Variants in TEX22 observed in about 807,000 individuals in gnomAD.
TEX22 encodes the protein testis expressed 22.
Under a neutral mutation model 11.3 loss-of-function variants are expected in TEX22, and 16 were observed. The observed-to-expected ratio is 1.42, with a 90% CI of 0.96 to 2.15. TEX22 has a LOEUF of 2.15. Among genes scored for constraint, TEX22 ranks in the 30% most tolerant of loss-of-function variants. The pLI is 0.00. For missense variants in TEX22, 220 were observed against 208.6 expected, an observed-to-expected ratio of 1.05 and a Z score of -0.34; for synonymous variants, 97 against 92.3, an observed-to-expected ratio of 1.05 and a Z score of -0.29.
At chr14:105,402,570 C>G (rs367756383) in intron 2 of TEX22, among the ~76,000 whole-genome samples, 3 of 151,408 alleles carry the variant, frequency 2.0e-5, no homozygotes, top group Non-Finnish European at 4.4e-5. Context: ...CTGGCTAACA[C>G]GGTGAAACCC....
intron 2 of TEX22, among the ~76,000 whole-genome samples, chr14:105,403,465 C>G (rs1224407715): frequency 6.6e-6 from 1 of 152,222 alleles, no homozygotes; most frequent in African/African-American, 2.4e-5. Flanking sequence ...TATCCTGGCT[C>G]TCCTAGACTC....
At chr14:105,410,479 T>G (rs2141362588) in intron 2 of TEX22, among the ~76,000 whole-genome samples, 1 of 152,382 alleles carries the variant, frequency 6.6e-6, no homozygotes, top group South Asian at 2.1e-4. Flanking sequence ...CTTCCACATT[T>G]TCGCTATTGT....
At chr14:105,402,755 CAAA>C (rs1195065703) in intron 2 of TEX22, among the ~76,000 whole-genome samples, 16 of 68,378 alleles carry the variant, frequency 2.3e-4, no homozygotes, top group Admixed American at 3.3e-4. Flanking sequence ...GACTCCGTCT[CAAA>C]AAAAAAAAAA....
Position 105,413,633 on chromosome 14 carries a change from A to T in TEX22, c.*1800A>T, listed in dbSNP as rs1186631295. ...AGAGCACCTCCCCCATGGTGGCAGCAGAGACAAAACCCTGGCCTCCTTCAG... is the reference window on the plus strand; with the variant it reads ...AGAGCACCTCCCCCATGGTGGCAGCTGAGACAAAACCCTGGCCTCCTTCAG... On this transcript the variant is annotated 3_prime_UTR_variant, in exon 4 of 4. Transcript: ENST00000451127. The surrounding 1 kb of genome is among the most constrained non-coding windows in gnomAD (Gnocchi z 4.2). 6 of 152,292 alleles carry T rather than the reference A, an allele frequency of 3.9e-5. No individual in the cohort carries two copies. The highest frequency in any genetic ancestry group is 1.4e-4 in the African/African-American group (6 of 41,462). The allele number at this position is 152,292 out of a possible 1,614,324, so 9.4% of individuals were successfully genotyped here.
chr14:105,401,892 C>T (rs900528470), intron 2 of TEX22, among the ~76,000 whole-genome samples: 31 of 152,108 alleles, frequency 2.0e-4, no homozygotes, highest in Admixed American at 6.5e-4. Context: ...ACCACTATGA[C>T]GTCAGAAAAA....
At position 105,413,105 on chromosome 14, in the gene TEX22, G is replaced by A. The variant is rs1412349527; in HGVS notation, c.*1272G>A. 6.6e-6 allele frequency: 1 copy of A among 152,362 alleles called. No individual in the cohort carries two copies. Among genetic ancestry groups the A allele is most frequent in the Admixed American group, 6.5e-5 (1 of 15,272 alleles). The allele number at this position is 152,362 out of a possible 1,614,324, so 9.4% of individuals were successfully genotyped here. ...GCCAGGTGCTCCCCTTCTCTCCCAA[G>A]TCCTCTGAATGTCATTTGGTGCACC... On this transcript the variant is annotated 3_prime_UTR_variant, in exon 4 of 4. Transcript: ENST00000451127. This position sits in a 1 kb window ranked among gnomAD's most constrained non-coding sequence, Gnocchi z 4.2.
chr14:105,401,109 G>A (rs1244422009), intron 2 of TEX22, among the ~76,000 whole-genome samples: 1 of 152,194 alleles, frequency 6.6e-6, no homozygotes, highest in African/African-American at 2.4e-5. Flanking sequence ...CCGTAAGGAT[G>A]GGTCCTGCAC....
intron 2 of TEX22, among the ~76,000 whole-genome samples, chr14:105,401,925 C>T (rs782697558): frequency 1.3e-5 from 2 of 152,180 alleles, no homozygotes; most frequent in Non-Finnish European, 2.9e-5. Flanking sequence ...GTGGCTCATG[C>T]CTGTAATCCC....
At chr14:105,403,547 C>G (rs112012969) in intron 2 of TEX22, among the ~76,000 whole-genome samples, 6,117 of 152,256 alleles carry the variant, frequency 0.04, 400 homozygotes, top group African/African-American at 0.14. Flanking sequence ...CTCAGCCTCC[C>G]AAGTAGCTGG....
chr14:105,399,518 C>A (rs888713864), intron 2 of TEX22, 28 bp downstream of exon 2: 30 of 1,514,118 alleles, frequency 2.0e-5, no homozygotes, highest in Non-Finnish European at 2.4e-5. Context: ...CTGGCCGAGG[C>A]TACTCTCCTG....
At chr14:105,410,886 C>T (rs982796479) in intron 2 of TEX22, among the ~76,000 whole-genome samples, 6 of 152,242 alleles carry the variant, frequency 3.9e-5, no homozygotes, top group Admixed American at 6.5e-5. Flanking sequence ...CTCCTGTACC[C>T]TGCCAGGGGC....
intron 3 of TEX22, 51 bp from the exon 4 acceptor site, chr14:105,411,609 C>T: frequency 6.7e-7 from 1 of 1,498,142 alleles, no homozygotes; most frequent in East Asian, 2.7e-5. Context: ...CCGGGCCCCG[C>T]CGTTGTCCCC....
intron 2 of TEX22, among the ~76,000 whole-genome samples, chr14:105,399,715 C>G (rs1437593382): frequency 3.3e-5 from 5 of 152,202 alleles, no homozygotes; most frequent in African/African-American, 4.8e-5. Context: ...CCGTGGGCCG[C>G]TGGGCTCTGT....
At chr14:105,408,187 C>T (rs1448079430) in intron 2 of TEX22, among the ~76,000 whole-genome samples, 2 of 152,002 alleles carry the variant, frequency 1.3e-5, no homozygotes, top group Non-Finnish European at 2.9e-5. Flanking sequence ...CCACCGCATG[C>T]TGAGGTGAGA....
rs1555419601 is a variant in TEX22 at position 105,413,484 on chromosome 14, G to C, written c.*1651G>C. On this transcript the variant is annotated 3_prime_UTR_variant, in exon 4 of 4. Transcript: ENST00000451127. The surrounding 1 kb of genome is among the most constrained non-coding windows in gnomAD (Gnocchi z 4.2). ...GTTCTGTGACTTGGGGGTTGGCTGG[G>C]CTCATCCTGCCAGCTCTCCTGCTCT... 6.6e-6 allele frequency: 1 copy of C among 152,302 alleles called. No individual in the cohort carries two copies. Among genetic ancestry groups the C allele is most frequent in the Non-Finnish European group, 1.5e-5 (1 of 68,122 alleles). 9.4% of individuals were successfully genotyped at this position (152,302 alleles called of 1,614,324 possible). A position where few individuals can be genotyped will look rare whatever the true frequency, so the allele number is the denominator to read the frequency against.
intron 2 of TEX22, among the ~76,000 whole-genome samples, chr14:105,402,541 T>G (rs1368644310): frequency 4.0e-5 from 6 of 151,506 alleles, no homozygotes; most frequent in Non-Finnish European, 7.4e-5. Context: ...GATCACAAGG[T>G]CTGGAGATCA....
rs1405571267 is a variant in TEX22, at chr14:105,405,890, C to T, written c.151-5478C>T. Among the ~76,000 whole-genome samples the T allele has an allele frequency of 3.9e-5, 6 of 152,302 alleles. No homozygotes were observed. In the South Asian group the frequency reaches 1.0e-3, roughly 26 times the overall value. ...AAATAAGAGCAAGGCCTGGCTTGTC[C>T]GCACCAGCTCCAACAACTAAAACTG... is the stretch of plus-strand genomic sequence containing the variant. On this transcript the variant is annotated intron_variant, in intron 2 of 3. Transcript: ENST00000451127.
chr14:105,398,587 A>C lies in TEX22; in HGVS notation c.-88A>C, dbSNP rs1373621085. 6.6e-6 allele frequency: 1 copy of C among 152,212 alleles called. No individual in the cohort carries two copies. Among genetic ancestry groups the C allele is most frequent in the Admixed American group, 6.5e-5 (1 of 15,286 alleles). The allele number at this position is 152,212 out of a possible 1,614,324, so 9.4% of individuals were successfully genotyped here. A position where few individuals can be genotyped will look rare whatever the true frequency, so the allele number is the denominator to read the frequency against. On this transcript the variant is annotated 5_prime_UTR_variant, in exon 1 of 4. Coordinates refer to ENST00000451127, the MANE Select transcript of TEX22 (RefSeq NM_001195082.2). ...GGCGCCGGCCCCTTGGGCCCCCTCA[A>C]GCCGCGGTGTACTCCAGCGGCCCCC...
chr14:105,399,975 C>G (rs2081617206), intron 2 of TEX22, among the ~76,000 whole-genome samples: 1 of 152,244 alleles, frequency 6.6e-6, no homozygotes. Flanking sequence ...CCTGGTCTCT[C>G]TACTGCTGGA....
Sources: allele counts gnomAD v4.1 joint callset (sites outside exome capture counted in the v4.1 genomes callset), GRCh38; gene constraint gnomAD v4.1.1; non-coding constraint Gnocchi (gnomAD v3.1); transcripts MANE v1.5; gene names NCBI Gene and HGNC (gene_info 2026-07-23, HGNC 2026-07-21).